Variants in UNC45A observed in about 807,000 individuals in gnomAD.
UNC45A encodes protein unc-45 homolog A.
A neutral mutation model predicts 103.2 loss-of-function variants in UNC45A; 78 were observed. The ratio of observed to expected loss-of-function variants is 0.76; its 90% CI spans 0.63 to 0.91. UNC45A has a LOEUF of 0.91. Among genes scored for constraint, UNC45A ranks in the 40% least tolerant of loss-of-function variants. The pLI is 0.00. For synonymous variants in UNC45A, 495 were observed against 504.6 expected, an observed-to-expected ratio of 0.98 and a Z score of 0.25; for missense variants, 1,193 against 1,224.8, an observed-to-expected ratio of 0.97 and a Z score of 0.39.
Position 90,936,323 on chromosome 15 carries a change from CGGCG to C in UNC45A, c.291_294del (p.Arg98AlafsTer4). The C allele has an allele frequency of 1.2e-6, 2 of 1,614,022 alleles. No individual in the cohort carries two copies. Among genetic ancestry groups the C allele is most frequent in the Non-Finnish European group, 1.7e-6 (2 of 1,179,998 alleles). ...TGGTGGGGATGTCAAAGCACTCTAC[CGGCG>C]GAGCCAAGCCCTAGAGAAGCTGGGC... On this transcript the variant is annotated frameshift_variant, in exon 4 of 20. Transcript: ENST00000418476. LOFTEE classifies it high-confidence loss of function.
At chr15:90,945,089 T>C in intron 9 of UNC45A, 26 bp downstream of exon 9, 5 of 1,606,208 alleles carry the variant, frequency 3.1e-6, no homozygotes, top group Non-Finnish European at 4.3e-6. Flanking sequence ...TCACCTCCCG[T>C]TGCCAGGGAT....
At chr15:90,932,133 G>A (rs1245731987), upstream of UNC45A, 4 of 1,575,240 alleles carry the variant, frequency 2.5e-6, no homozygotes, top group Non-Finnish European at 3.5e-6. Flanking sequence ...GGCAAAGCAG[G>A]AAGTCAGGTC....
At chr15:90,945,832 C>A (rs903598397) in intron 9 of UNC45A, among the ~76,000 whole-genome samples, 2 of 150,514 alleles carry the variant, frequency 1.3e-5, no homozygotes, top group African/African-American at 4.9e-5. Flanking sequence ...GGGGTTTCAC[C>A]ATGTTGGCCA....
rs373504946 is a variant in UNC45A, at chr15:90,940,449, C to T, written c.663C>T (p.Gly221=). ...TGGCGGCTCTGCGTACGCTGGTTGG[C>T]ATTTGCTCTGAGCATCAGTCACGGG... ...LMLAALRTLV[G]ICSEHQSRTV... is the part of the protein sequence containing the mutation. The change falls in exon 6 of 20, where the codon GGC becomes GGT. Residue 221 remains glycine (G), a synonymous_variant. Transcript: ENST00000418476. The T allele has an allele frequency of 6.2e-7, 1 of 1,613,614 alleles. No homozygotes were observed.
intron 13 of UNC45A, 51 bp downstream of exon 13, chr15:90,948,845 A>AC: frequency 6.7e-7 from 1 of 1,501,184 alleles, no homozygotes; most frequent in Non-Finnish European, 8.9e-7. Flanking sequence ...GGGACAGCTA[A>AC]CCCAGGGCAT....
chr15:90,953,789 C>T lies in UNC45A; in HGVS notation c.*73C>T. 6.5e-7 allele frequency: 1 copy of T among 1,547,980 alleles called. No individual in the cohort carries two copies. Among genetic ancestry groups the T allele is most frequent in the Non-Finnish European group, 8.7e-7 (1 of 1,143,138 alleles). The stretch of plus-strand genomic sequence containing the variant: ...GCACGGAGAGTAAGGACGGAAGCAG[C>T]TTTGGCTGGTGGTGGCTGGCATGCC... On this transcript the variant is annotated 3_prime_UTR_variant, in exon 20 of 20. Transcript: ENST00000418476.
upstream of UNC45A, chr15:90,931,014 T>A (rs991395372): frequency 2.2e-6 from 1 of 455,930 alleles, no homozygotes; most frequent in Non-Finnish European, 4.0e-6. Flanking sequence ...GATCCCACCA[T>A]GCAAAATAGC....
intron 8 of UNC45A, among the ~76,000 whole-genome samples, chr15:90,943,819 G>A (rs528439876): frequency 6.6e-6 from 1 of 151,910 alleles, no homozygotes; most frequent in Non-Finnish European, 1.5e-5. Context: ...CTCCCGAGTA[G>A]CTGGGATTAT....
intron 7 of UNC45A, 35 bp from the exon 8 acceptor site, chr15:90,942,877 T>A (rs1192725266): frequency 6.3e-7 from 1 of 1,576,780 alleles, no homozygotes; most frequent in South Asian, 1.2e-5. Context: ...GCTGGGCTGC[T>A]GTGGAGCCCA....
Position 90,945,050 on chromosome 15 carries a change from G to A in UNC45A, c.1186G>A (p.Glu396Lys). Reference protein sequence around the residue: ...AERENFHRLCENYIKSWFEGQ... With the variant: ...AERENFHRLCKNYIKSWFEGQ... ...GAGGGAGAATTTCCACAGACTTTGT[G>A]AAAACTACATCAAGTAAGGAAGTCT... The change falls in exon 9 of 20, where the codon GAA (glutamate) becomes AAA (lysine). Residue 396 changes from glutamate (E) to lysine (K), a missense_variant. By Grantham distance (56) the Glu-to-Lys change is moderately conservative. Transcript: ENST00000418476. The A allele has an allele frequency of 6.2e-7, 1 of 1,612,746 alleles. No homozygotes were observed. The highest frequency in any genetic ancestry group is 8.5e-7 in the Non-Finnish European group (1 of 1,179,954).
At position 90,940,324 on chromosome 15, in the gene UNC45A, G is replaced by A. The variant is rs139155515; in HGVS notation, c.538G>A (p.Val180Met). Reference protein sequence around the residue: ...KKQKASQNLVVLAREDAGAEK... With the variant: ...KKQKASQNLVMLAREDAGAEK... ...GACGCAGGCTTCTCAGAACCTGGTG[G>A]TGCTGGCCAGGGAGGATGCTGGAGC... Residue 180 changes from valine (V) to methionine (M), a missense_variant, in exon 6 of 20, where the codon GTG becomes ATG. Val to Met is a conservative substitution (Grantham distance 21). Transcript: ENST00000418476. The A allele has an allele frequency of 2.3e-4, 366 of 1,613,634 alleles. No homozygotes were observed. The African/African-American group carries it at 2.4e-3, about 11-fold the overall frequency.
rs2036695607 is a variant in UNC45A at position 90,948,430 on chromosome 15, A to G, written c.1737+147A>G. On this transcript the variant is annotated intron_variant, in intron 12 of 19. Transcript: ENST00000418476. ...AGTGGCTGCTCTGTGTAGTGTGGGC[A>G]TGTTGGCCAGCACCAGTGGTGTTAG... 4.5e-6 allele frequency: 6 copies of G among 1,335,470 alleles called. No homozygotes were observed. The South Asian group carries it at 8.5e-5, about 19-fold the overall frequency. 82.7% of individuals were successfully genotyped at this position (1,335,470 alleles called of 1,614,324 possible). A position where few individuals can be genotyped will look rare whatever the true frequency, so the allele number is the denominator to read the frequency against.
intron 13 of UNC45A, 69 bp from the exon 14 acceptor site, chr15:90,949,247 C>A: frequency 6.5e-7 from 1 of 1,549,842 alleles, no homozygotes; most frequent in Non-Finnish European, 8.7e-7. Context: ...TCAATTACTG[C>A]TGTGAGAAGG....
At chr15:90,932,186 A>G (rs2035823352), upstream of UNC45A, 1 of 1,461,688 alleles carries the variant, frequency 6.8e-7, no homozygotes, top group Non-Finnish European at 9.2e-7. Flanking sequence ...TTGGAGAGCC[A>G]GATGTGGCCC....
chr15:90,931,199 C>G (rs1318923754), upstream of UNC45A: 5 of 1,508,576 alleles, frequency 3.3e-6, no homozygotes, highest in Non-Finnish European at 4.5e-6. Context: ...TCAGGAGACA[C>G]AGAAAAGATG....
At position 90,953,750 on chromosome 15, in the gene UNC45A, C is replaced by A; in HGVS notation, c.*34C>A. 3 of 1,603,292 alleles carry A rather than the reference C, an allele frequency of 1.9e-6. No individual in the cohort carries two copies. The highest frequency in any genetic ancestry group is 2.2e-5 in the East Asian group (1 of 44,558). On this transcript the variant is annotated 3_prime_UTR_variant, in exon 20 of 20. Coordinates refer to ENST00000418476, the MANE Select transcript of UNC45A (RefSeq NM_018671.5). Reference sequence around the variant, plus strand: ...TCCCTGGGCCCAAGGCTCATGCACACGCTACCTATTGTGGCACGGAGAGTA... The same window carrying A: ...TCCCTGGGCCCAAGGCTCATGCACAAGCTACCTATTGTGGCACGGAGAGTA...
chr15:90,932,353 G>T, upstream of UNC45A: 1 of 930,472 alleles, frequency 1.1e-6, no homozygotes, highest in Non-Finnish European at 1.5e-6. Flanking sequence ...TCAATGAGGT[G>T]CACGCCCCCC....
At chr15:90,947,616 T>C (rs1451372693) in intron 10 of UNC45A, 180 bp from the exon 11 acceptor site, 1 of 603,680 alleles carries the variant, frequency 1.7e-6, no homozygotes, top group East Asian at 2.8e-5. Flanking sequence ...GCCACCCCAG[T>C]AGCTGATTTT....
chr15:90,946,942 G>GGGGGGGGGGGGGGGGGGGGGC, intron 10 of UNC45A, 28 bp downstream of exon 10: 3 of 817,436 alleles, frequency 3.7e-6, no homozygotes, highest in Middle Eastern at 2.6e-4. Flanking sequence ...GGGTGGGTGG[G>GGGGGGGGGGGGGGGGGGGGGC]CAGGCAGCCA....
Sources: allele counts gnomAD v4.1 joint callset (sites outside exome capture counted in the v4.1 genomes callset), GRCh38; gene constraint gnomAD v4.1.1; transcripts MANE v1.5; gene names NCBI Gene and HGNC (gene_info 2026-07-23, HGNC 2026-07-21).